Variants in DESI2 observed in about 807,000 individuals in gnomAD.
DESI2 encodes the protein desumoylating isopeptidase 2.
In DESI2, 10 loss-of-function variants were observed where a neutral mutation model predicts 24.1. That is an observed-to-expected ratio of 0.41 (90% CI 0.26 to 0.70). The LOEUF (loss-of-function observed/expected upper bound fraction) is 0.70. Ranked by LOEUF, DESI2 falls within the 30% of genes least tolerant of loss-of-function variation. DESI2 has a pLI of 0.29. For missense variants in DESI2, 122 were observed against 234.9 expected (o/e 0.52, Z 3.14); for synonymous variants, 71 against 87.7 (o/e 0.81, Z 1.06).
chr1:244,659,342 C>G (rs1675758173), intron 1 of DESI2, among the ~76,000 whole-genome samples: 1 of 152,114 alleles, frequency 6.6e-6, no homozygotes, highest in Non-Finnish European at 1.5e-5. Flanking sequence ...TTATGTAAAT[C>G]AGAAGACCAG....
At chr1:244,681,791 T>A (rs1275110498) in intron 1 of DESI2, among the ~76,000 whole-genome samples, 1 of 152,234 alleles carries the variant, frequency 6.6e-6, no homozygotes, top group East Asian at 1.9e-4. Flanking sequence ...ATTATCTGTG[T>A]GATTATCAAT....
At chr1:244,656,720 T>C (rs1675659215) in intron 1 of DESI2, among the ~76,000 whole-genome samples, 1 of 152,240 alleles carries the variant, frequency 6.6e-6, no homozygotes, top group Non-Finnish European at 1.5e-5. Flanking sequence ...AATAAAAATA[T>C]GCAGGTATTT....
At chr1:244,675,758 T>C (rs891237045) in intron 1 of DESI2, among the ~76,000 whole-genome samples, 2 of 152,222 alleles carry the variant, frequency 1.3e-5, no homozygotes, top group African/African-American at 4.8e-5. Context: ...TCTAGGTCTC[T>C]TGAATTTCCA....
intron 4 of DESI2, among the ~76,000 whole-genome samples, chr1:244,700,305 TTTTG>T (rs745834347): frequency 1.7e-4 from 26 of 152,150 alleles, no homozygotes; most frequent in Non-Finnish European, 3.1e-4. Context: ...ACAAAATAGT[TTTTG>T]TTTTGAAAAT....
intron 1 of DESI2, among the ~76,000 whole-genome samples, chr1:244,676,550 C>T (rs1676421973): frequency 6.6e-6 from 1 of 151,376 alleles, no homozygotes; most frequent in African/African-American, 2.4e-5. Flanking sequence ...TTAATTTTTC[C>T]TTCTTCAGTA....
At chr1:244,693,720 G>A (rs1362131481) in intron 4 of DESI2, among the ~76,000 whole-genome samples, 1 of 152,136 alleles carries the variant, frequency 6.6e-6, no homozygotes, top group Non-Finnish European at 1.5e-5. Context: ...CGTGAGCCAC[G>A]GCGCCCAGCC....
At chr1:244,683,438 A>G in intron 1 of DESI2, among the ~76,000 whole-genome samples, 1 of 151,726 alleles carries the variant, frequency 6.6e-6, no homozygotes, top group Non-Finnish European at 1.5e-5. Flanking sequence ...CAGCCTCCTG[A>G]GTAGCTGGGA....
At chr1:244,692,865 C>T (rs1677078942) in intron 4 of DESI2, among the ~76,000 whole-genome samples, 1 of 152,170 alleles carries the variant, frequency 6.6e-6, no homozygotes. Flanking sequence ...CTCTGCCCCA[C>T]CAGAGATACA....
chr1:244,707,504 A>C lies in DESI2; in HGVS notation c.*1715A>C, dbSNP rs1677754107. ...CAGAAGAAAGGAATATATGAACTTA[A>C]TGAGATGTCGACTTGGTTCAGGTCT... On this transcript the variant is annotated 3_prime_UTR_variant, in exon 5 of 5. Coordinates refer to ENST00000302550, the MANE Select transcript of DESI2 (RefSeq NM_016076.5). 1 of 152,660 alleles carries C rather than the reference A, an allele frequency of 6.6e-6. No individual in the cohort carries two copies. Among genetic ancestry groups the C allele is most frequent in the Admixed American group, 6.5e-5 (1 of 15,284 alleles). 9.5% of individuals were successfully genotyped at this position (152,660 alleles called of 1,614,324 possible). A position where few individuals can be genotyped will look rare whatever the true frequency, so the allele number is the denominator to read the frequency against.
chr1:244,682,594 G>T (rs548697598), intron 1 of DESI2, among the ~76,000 whole-genome samples: 5 of 151,914 alleles, frequency 3.3e-5, no homozygotes, highest in Admixed American at 3.3e-4. Flanking sequence ...ATAGATATTT[G>T]CATATGACAG....
chr1:244,660,226 C>T (rs760913285), intron 1 of DESI2, among the ~76,000 whole-genome samples: 1 of 152,154 alleles, frequency 6.6e-6, no homozygotes, highest in Non-Finnish European at 1.5e-5. Flanking sequence ...AGTGCAGCAG[C>T]GCCATCTCTG....
chr1:244,690,908 G>A (rs557249146), intron 3 of DESI2, among the ~76,000 whole-genome samples: 10 of 152,228 alleles, frequency 6.6e-5, no homozygotes, highest in Admixed American at 1.3e-4. Context: ...AAAGATTTTC[G>A]CACGTAAGTG....
chr1:244,701,209 CCCTCCA>C (rs1558669731), intron 4 of DESI2, among the ~76,000 whole-genome samples: 9 of 35,006 alleles, frequency 2.6e-4, no homozygotes, highest in Middle Eastern at 0.01. Context: ...GACCACCTTC[CCCTCCA>C]CCCCCCCCCC....
At chr1:244,701,592 A>G (rs1412953707) in intron 4 of DESI2, among the ~76,000 whole-genome samples, 2 of 152,172 alleles carry the variant, frequency 1.3e-5, no homozygotes, top group African/African-American at 4.8e-5. Context: ...AGGCCTTGAA[A>G]CCTAATGTTG....
intron 1 of DESI2, among the ~76,000 whole-genome samples, chr1:244,680,993 CTT>C (rs1676594342): frequency 2.1e-5 from 3 of 141,336 alleles, no homozygotes; most frequent in Non-Finnish European, 4.6e-5. Flanking sequence ...CTGAGATAGT[CTT>C]TTTATTCAAT....
At chr1:244,700,324 C>G (rs944993466) in intron 4 of DESI2, among the ~76,000 whole-genome samples, 2 of 152,146 alleles carry the variant, frequency 1.3e-5, no homozygotes, top group African/African-American at 4.8e-5. Context: ...GAAAATTTAG[C>G]ATCGTGAATA....
intron 1 of DESI2, among the ~76,000 whole-genome samples, chr1:244,668,570 C>G (rs1322269615): frequency 2.6e-5 from 4 of 152,172 alleles, no homozygotes; most frequent in African/African-American, 9.7e-5. Context: ...TTATACTTAT[C>G]CAGATTATTT....
chr1:244,665,765 C>T (rs1676019641), intron 1 of DESI2, among the ~76,000 whole-genome samples: 1 of 152,202 alleles, frequency 6.6e-6, no homozygotes, highest in African/African-American at 2.4e-5. Context: ...GCAACATCAC[C>T]TCTTCCCTGA....
chr1:244,670,269 T>G (rs981055200), intron 1 of DESI2, among the ~76,000 whole-genome samples: 60 of 152,366 alleles, frequency 3.9e-4, no homozygotes, highest in African/African-American at 1.4e-3. Flanking sequence ...ATATAAATAA[T>G]TCTTGTAGGA....
Sources: allele counts gnomAD v4.1 joint callset (sites outside exome capture counted in the v4.1 genomes callset), GRCh38; gene constraint gnomAD v4.1.1; transcripts MANE v1.5; gene names NCBI Gene and HGNC (gene_info 2026-07-23, HGNC 2026-07-21).